EML5: variants seen among roughly 807,000 people sequenced by gnomAD.
EML5 encodes the protein EMAP like 5, also known as echinoderm microtubule-associated protein-like 5.
EML5 carries 120 observed loss-of-function variants against 250.0 expected under a neutral mutation model. That is an observed-to-expected ratio of 0.48 (90% CI 0.41 to 0.56). The LOEUF is 0.56. Ranked by LOEUF, EML5 falls within the 20% of genes least tolerant of loss-of-function variation. EML5 has a pLI of 0.00. For synonymous variants in EML5, 771 were observed against 806.5 expected, an observed-to-expected ratio of 0.96 and a Z score of 0.75; for missense variants, 2,006 against 2,437.6, an observed-to-expected ratio of 0.82 and a Z score of 3.73.
intron 21 of EML5, among the ~76,000 whole-genome samples, chr14:88,677,273 C>T (rs555224952): frequency 6.6e-6 from 1 of 152,078 alleles, no homozygotes; most frequent in Admixed American, 6.6e-5. Context: ...AAGCTGGACC[C>T]CTTCCTTACA....
chr14:88,725,158 A>T (rs982095219), intron 8 of EML5, among the ~76,000 whole-genome samples: 17 of 152,140 alleles, frequency 1.1e-4, no homozygotes, highest in Non-Finnish European at 2.2e-4. Flanking sequence ...TAGGAGATGG[A>T]AGAATGGGAT....
intron 8 of EML5, among the ~76,000 whole-genome samples, chr14:88,722,336 T>A (rs1025524548): frequency 1.1e-4 from 17 of 152,200 alleles, no homozygotes; most frequent in African/African-American, 3.9e-4. Flanking sequence ...GCAGCACTAT[T>A]CACAATAACA....
intron 37 of EML5, chr14:88,621,812 T>C: frequency 2.3e-6 from 1 of 439,564 alleles, no homozygotes; most frequent in South Asian, 1.6e-5. Flanking sequence ...ATTATACATA[T>C]CTATAGGGCA....
At chr14:88,699,341 G>C (rs777746206) in intron 14 of EML5, among the ~76,000 whole-genome samples, 12 of 151,964 alleles carry the variant, frequency 7.9e-5, no homozygotes, top group Non-Finnish European at 1.5e-4. Context: ...AAAAAGGGGA[G>C]TTGGAGAGTC....
intron 19 of EML5, among the ~76,000 whole-genome samples, chr14:88,685,717 T>C (rs1284322629): frequency 6.6e-6 from 1 of 152,132 alleles, no homozygotes; most frequent in Non-Finnish European, 1.5e-5. Context: ...CCCAAAGTGT[T>C]GGGATTACAG....
intron 4 of EML5, among the ~76,000 whole-genome samples, chr14:88,743,809 A>T (rs1209446270): frequency 6.6e-6 from 1 of 152,110 alleles, no homozygotes; most frequent in Non-Finnish European, 1.5e-5. Flanking sequence ...AATGTGGCTT[A>T]TTAATTTCCT....
At chr14:88,767,966 T>G (rs1390646459) in intron 1 of EML5, among the ~76,000 whole-genome samples, 1 of 152,194 alleles carries the variant, frequency 6.6e-6, no homozygotes, top group East Asian at 1.9e-4. Context: ...TAACTGTTAT[T>G]CCTCCTTAGC....
At chr14:88,661,902 T>C (rs918292473) in intron 24 of EML5, 72 bp from the exon 25 acceptor site, 31 of 1,345,840 alleles carry the variant, frequency 2.3e-5, no homozygotes, top group Non-Finnish European at 3.0e-5. Flanking sequence ...AATGTAAACA[T>C]TTTTCTTTGT....
intron 1 of EML5, among the ~76,000 whole-genome samples, chr14:88,764,786 C>A (rs954198375): frequency 2.0e-5 from 3 of 152,068 alleles, no homozygotes; most frequent in Admixed American, 2.0e-4. Flanking sequence ...CTTTCTTCTT[C>A]TTTTCATTTT....
At chr14:88,653,329 T>C (rs1221221210) in intron 27 of EML5, among the ~76,000 whole-genome samples, 1 of 152,186 alleles carries the variant, frequency 6.6e-6, no homozygotes, top group Non-Finnish European at 1.5e-5. Flanking sequence ...CTTCCAACAA[T>C]ATGTTGAATC....
At chr14:88,724,766 G>T (rs1458775999) in intron 8 of EML5, among the ~76,000 whole-genome samples, 2 of 152,114 alleles carry the variant, frequency 1.3e-5, no homozygotes, top group Non-Finnish European at 1.5e-5. Flanking sequence ...TAATGACCAG[G>T]TGTTTCTATT....
chr14:88,685,080 C>T lies in EML5; in HGVS notation c.2917G>A (p.Val973Ile). ...AGTATTTCACCATTCTTTGTGCCAACTAAAATATGACCATGTCCTAATGAT... is the reference window on the plus strand; with the variant it reads ...AGTATTTCACCATTCTTTGTGCCAATTAAAATATGACCATGTCCTAATGAT... ...AISLGHGHIL[V>I]GTKNGEILEV... is the part of the protein sequence containing the mutation. Residue 973 changes from valine (V) to isoleucine (I), a missense_variant, in exon 20 of 44, where the codon GTT becomes ATT. Val to Ile is a conservative substitution (Grantham distance 29). This residue lies in a region of EML5 where 1,375 missense variants were observed against 1,590.3 expected (regional missense o/e 0.86). Coordinates refer to ENST00000554922, the MANE Select transcript of EML5 (RefSeq NM_183387.3). 6.2e-7 allele frequency: 1 copy of T among 1,611,358 alleles called. No individual in the cohort carries two copies. Among genetic ancestry groups the T allele is most frequent in the Non-Finnish European group, 8.5e-7 (1 of 1,178,506 alleles).
At chr14:88,671,160 TAA>T (rs917298795) in intron 21 of EML5, among the ~76,000 whole-genome samples, 1 of 152,088 alleles carries the variant, frequency 6.6e-6, no homozygotes, top group African/African-American at 2.4e-5. Flanking sequence ...CAGTCAGAGA[TAA>T]AGTCAGGTCA....
intron 7 of EML5, among the ~76,000 whole-genome samples, chr14:88,733,065 C>T (rs1226168780): frequency 6.6e-6 from 1 of 152,144 alleles, no homozygotes; most frequent in African/African-American, 2.4e-5. Flanking sequence ...ACAATTAATG[C>T]TATTTGAATA....
At chr14:88,747,136 G>A (rs1595758668) in intron 2 of EML5, among the ~76,000 whole-genome samples, 1 of 152,052 alleles carries the variant, frequency 6.6e-6, no homozygotes, top group Non-Finnish European at 1.5e-5. Flanking sequence ...AAAAGGGTCA[G>A]GTGCGGTGGC....
intron 1 of EML5, among the ~76,000 whole-genome samples, chr14:88,775,220 CT>C (rs1288435506): frequency 6.6e-5 from 10 of 152,196 alleles, no homozygotes; most frequent in Non-Finnish European, 1.5e-4. Flanking sequence ...ACTCCTTTTG[CT>C]TGAGAAAAGC....
At chr14:88,724,596 G>A (rs563980559) in intron 8 of EML5, among the ~76,000 whole-genome samples, 7 of 152,216 alleles carry the variant, frequency 4.6e-5, no homozygotes, top group Non-Finnish European at 7.4e-5. Context: ...TTTTGAATGT[G>A]TATCAGATAT....
At chr14:88,746,694 A>G (rs2094008981) in intron 2 of EML5, among the ~76,000 whole-genome samples, 1 of 152,184 alleles carries the variant, frequency 6.6e-6, no homozygotes, top group African/African-American at 2.4e-5. Flanking sequence ...CATCGGGTGA[A>G]TACTTGTACC....
chr14:88,617,976 T>A (rs2088008564), intron 41 of EML5: 2 of 288,320 alleles, frequency 6.9e-6, no homozygotes, highest in Non-Finnish European at 1.3e-5. Flanking sequence ...AAGAAAAATA[T>A]CAGGGTATCT....
Sources: allele counts gnomAD v4.1 joint callset (sites outside exome capture counted in the v4.1 genomes callset), GRCh38; gene constraint gnomAD v4.1.1; regional missense constraint gnomAD v4.1.1; transcripts MANE v1.5; gene names NCBI Gene and HGNC (gene_info 2026-07-23, HGNC 2026-07-21).